The following E2F2 variants were observed in gnomAD, a reference collection of about 807,000 sequenced individuals.
E2F2 encodes the protein E2F transcription factor 2.
In E2F2, 22 loss-of-function variants were observed where a neutral mutation model predicts 42.2. The ratio of observed to expected loss-of-function variants is 0.52; its 90% confidence interval spans 0.37 to 0.74. E2F2 has a LOEUF of 0.74. E2F2 is among the 30% of genes least tolerant of loss of function. The pLI, the probability that E2F2 is intolerant of heterozygous loss-of-function variation, is 0.00. For missense variants in E2F2, 481 were observed against 557.8 expected (o/e 0.86, Z 1.39); for synonymous variants, 248 against 251.6 (o/e 0.99, Z 0.13).
intron 5 of E2F2, among the ~76,000 whole-genome samples, chr1:23,517,542 C>A (rs1055665260): frequency 2.0e-5 from 3 of 152,240 alleles, no homozygotes; most frequent in Non-Finnish European, 4.4e-5. Context: ...ATTGTCTCTG[C>A]AGCCCCAGTT....
Position 23,516,329 on chromosome 1 carries a change from A to C in E2F2, c.1045+6T>G, listed in dbSNP as rs1448680827. 6.6e-7 allele frequency: 1 copy of C among 1,523,446 alleles called. No homozygotes were observed. The highest frequency in any genetic ancestry group is 1.4e-5 in the African/African-American group (1 of 70,476). The allele number at this position is 1,523,446 out of a possible 1,614,324, so 94.4% of individuals were successfully genotyped here. The stretch of plus-strand genomic sequence containing the variant: ...CACCTCCTGTCCCTCTGGACAAGGG[A>C]CCTACCTGAGGATGCTGTGGGCTCC... On this transcript the variant is annotated splice_donor_region_variant and intron_variant, in intron 6 of 6. Transcript: ENST00000361729.
chr1:23,521,750 C>A lies in E2F2; in HGVS notation c.578+87G>T. On this transcript the variant is annotated intron_variant, in intron 3 of 6. Transcript: ENST00000361729. Reference sequence around the variant, plus strand: ...GATGTTGCTCTCAGCCCCGCCCCTGCCACTCACACCCACTGGCTATTGCCT... The same window carrying A: ...GATGTTGCTCTCAGCCCCGCCCCTGACACTCACACCCACTGGCTATTGCCT... 3.8e-6 allele frequency: 6 copies of A among 1,562,178 alleles called. No individual in the cohort carries two copies. In the South Asian group the frequency reaches 7.2e-5, roughly 19 times the overall value.
chr1:23,510,747 G>A (rs1208902099), intron 6 of E2F2, among the ~76,000 whole-genome samples: 1 of 152,118 alleles, frequency 6.6e-6, no homozygotes, highest in African/African-American at 2.4e-5. Context: ...AGTCAAAATC[G>A]CAGGGACAGA....
In E2F2 at chr1:23,509,859, G is replaced by A. The variant is rs774857226; in HGVS notation, c.*21C>T. 2.0e-6 allele frequency: 3 copies of A among 1,522,934 alleles called. No homozygotes were observed. Among genetic ancestry groups the A allele is most frequent in the Middle Eastern group, 1.8e-4 (1 of 5,592 alleles). The allele number at this position is 1,522,934 out of a possible 1,614,324, so 94.3% of individuals were successfully genotyped here. A position where few individuals can be genotyped will look rare whatever the true frequency, so the allele number is the denominator to read the frequency against. On this transcript the variant is annotated 3_prime_UTR_variant, in exon 7 of 7. Coordinates refer to ENST00000361729, the MANE Select transcript of E2F2 (RefSeq NM_004091.4). ...GAGGAGGTAGAGTCGGGGGCAGGCT[G>A]CTGGGGGCAGGCAGGGCCACTCAAT... is the stretch of plus-strand genomic sequence containing the variant.
At position 23,509,566 on chromosome 1, in the gene E2F2, T is replaced by G. The variant is rs185357616; in HGVS notation, c.*314A>C. The G allele has an allele frequency of 3.7e-4, 104 of 283,622 alleles. No individual in the cohort carries two copies. The highest frequency in any genetic ancestry group is 2.2e-3 in the African/African-American group (102 of 46,100). 17.6% of individuals were successfully genotyped at this position (283,622 alleles called of 1,614,324 possible). A position where few individuals can be genotyped will look rare whatever the true frequency, so the allele number is the denominator to read the frequency against. On this transcript the variant is annotated 3_prime_UTR_variant, in exon 7 of 7. Transcript: ENST00000361729. The stretch of plus-strand genomic sequence containing the variant: ...GTCCTAATTACCCCTCAAAAGGAGG[T>G]AGCAGGGCCTTTCCCTGGACTTGGC...
At chr1:23,512,447 T>C (rs1326126421) in intron 6 of E2F2, among the ~76,000 whole-genome samples, 2 of 152,060 alleles carry the variant, frequency 1.3e-5, no homozygotes, top group East Asian at 1.9e-4. Context: ...CCATTAAATG[T>C]ATATTAATTA....
chr1:23,514,673 C>CG (rs1553183194), intron 6 of E2F2, among the ~76,000 whole-genome samples: 1 of 142,096 alleles, frequency 7.0e-6, no homozygotes, highest in Admixed American at 7.1e-5. Flanking sequence ...ACTAAAAATA[C>CG]AAAAAAAAAA....
At position 23,530,379 on chromosome 1, in the gene E2F2, T is replaced by C. The variant is rs1290723379; in HGVS notation, c.252+163A>G. ...TCCAAAGTCTGAAAATGAAGGGGTC[T>C]TCTACTCAGATATTGGGGGCACTGG... is the stretch of plus-strand genomic sequence containing the variant. On this transcript the variant is annotated intron_variant, in intron 1 of 6. Transcript: ENST00000361729. The surrounding 1 kb of genome is among the most constrained non-coding windows in gnomAD (Gnocchi z 4.4). 6.6e-6 allele frequency among the ~76,000 whole-genome samples: 1 copy of C among 152,250 alleles called. No individual in the cohort carries two copies. Among genetic ancestry groups the C allele is most frequent in the Non-Finnish European group, 1.5e-5 (1 of 68,036 alleles).
intron 3 of E2F2, among the ~76,000 whole-genome samples, 192 bp from the exon 4 acceptor site, chr1:23,521,263 T>C (rs1643140156): frequency 6.6e-6 from 1 of 152,180 alleles, no homozygotes; most frequent in Non-Finnish European, 1.5e-5. Flanking sequence ...AGTCAAGACC[T>C]GAACCCCATT....
Position 23,530,855 on chromosome 1 carries a change from G to C in E2F2, c.-62C>G. 2 of 1,417,062 alleles carry C rather than the reference G, an allele frequency of 1.4e-6. No individual in the cohort carries two copies. The highest frequency in any genetic ancestry group is 1.8e-6 in the Non-Finnish European group (2 of 1,088,244). The allele number at this position is 1,417,062 out of a possible 1,614,324, so 87.8% of individuals were successfully genotyped here. On this transcript the variant is annotated 5_prime_UTR_variant, in exon 1 of 7. Transcript: ENST00000361729. The surrounding 1 kb of genome is among the most constrained non-coding windows in gnomAD (Gnocchi z 4.4). Reference sequence around the variant, plus strand: ...GCGCCCGCGGACACCTGCGGGTTCCGGTGCTGCCGCCTTTCACACGGCCCG... The same window carrying C: ...GCGCCCGCGGACACCTGCGGGTTCCCGTGCTGCCGCCTTTCACACGGCCCG...
In E2F2 at chr1:23,509,619, GGTCAGAA is replaced by G; in HGVS notation, c.*254_*260del. The G allele has an allele frequency of 2.0e-6, 1 of 498,744 alleles. No individual in the cohort carries two copies. The allele number at this position is 498,744 out of a possible 1,614,324, so 30.9% of individuals were successfully genotyped here. A position where few individuals can be genotyped will look rare whatever the true frequency, so the allele number is the denominator to read the frequency against. On this transcript the variant is annotated 3_prime_UTR_variant, in exon 7 of 7. Coordinates refer to ENST00000361729, the MANE Select transcript of E2F2 (RefSeq NM_004091.4). ...CCTCACCTGCAGCCTTCTTGTGAGA[GGTCAGAA>G]GTCAGAAGACTGGATGGGCCTCCCT...
intron 3 of E2F2, 23 bp downstream of exon 3, chr1:23,521,814 C>G (rs774859425): frequency 6.2e-7 from 1 of 1,612,274 alleles, no homozygotes; most frequent in Admixed American, 1.7e-5. Flanking sequence ...TTGGAGGGTA[C>G]CACTGGCCGC....
chr1:23,512,344 C>T (rs1414638054), intron 6 of E2F2, among the ~76,000 whole-genome samples: 5 of 152,122 alleles, frequency 3.3e-5, no homozygotes, highest in Admixed American at 6.5e-5. Context: ...TGAGGCGAGG[C>T]GTGGTTCAGC....
At chr1:23,524,097 A>G (rs1643204236) in intron 2 of E2F2, among the ~76,000 whole-genome samples, 1 of 144,340 alleles carries the variant, frequency 6.9e-6, no homozygotes, top group Admixed American at 6.8e-5. Flanking sequence ...AACAACAACA[A>G]CAACAACAAA....
intron 2 of E2F2, among the ~76,000 whole-genome samples, chr1:23,523,940 G>A (rs1458073248): frequency 6.6e-6 from 1 of 152,006 alleles, no homozygotes; most frequent in East Asian, 1.9e-4. Context: ...CAGGGATGGT[G>A]GCATGTACCT....
At chr1:23,515,848 G>A (rs1483068180) in intron 6 of E2F2, among the ~76,000 whole-genome samples, 3 of 152,022 alleles carry the variant, frequency 2.0e-5, no homozygotes, top group Non-Finnish European at 4.4e-5. Flanking sequence ...CTACAGGCGT[G>A]TGCCACCACA....
Position 23,530,513 on chromosome 1 carries a change from G to A in E2F2, c.252+29C>T. Reference sequence around the variant, plus strand: ...CTTTCCCACACCTGGAAAAGCATAGGGGGAAGCGGTGGGGGCCCCCAGCAT... The same window carrying A: ...CTTTCCCACACCTGGAAAAGCATAGAGGGAAGCGGTGGGGGCCCCCAGCAT... On this transcript the variant is annotated intron_variant, in intron 1 of 6. Coordinates refer to ENST00000361729, the MANE Select transcript of E2F2 (RefSeq NM_004091.4). This position sits in a 1 kb window ranked among gnomAD's most constrained non-coding sequence, Gnocchi z 4.4. 4.3e-6 allele frequency: 7 copies of A among 1,609,322 alleles called. No individual in the cohort carries two copies. The highest frequency in any genetic ancestry group is 5.9e-6 in the Non-Finnish European group (7 of 1,178,232).
chr1:23,515,754 T>G (rs1378077600), intron 6 of E2F2, among the ~76,000 whole-genome samples: 1 of 151,844 alleles, frequency 6.6e-6, no homozygotes, highest in Non-Finnish European at 1.5e-5. Context: ...CACGCTGGAG[T>G]GCAGTGGCAT....
chr1:23,514,724 C>A (rs1642983454), intron 6 of E2F2, among the ~76,000 whole-genome samples: 1 of 149,774 alleles, frequency 6.7e-6, no homozygotes, highest in Admixed American at 6.7e-5. Flanking sequence ...GTAATCCCAG[C>A]TACTTGGGAG....
Sources: allele counts gnomAD v4.1 joint callset (sites outside exome capture counted in the v4.1 genomes callset), GRCh38; gene constraint gnomAD v4.1.1; non-coding constraint Gnocchi (gnomAD v3.1); transcripts MANE v1.5; gene names NCBI Gene and HGNC (gene_info 2026-07-23, HGNC 2026-07-21).